The following CBLN2 variants were observed in gnomAD, a reference collection of about 807,000 sequenced individuals.
CBLN2 encodes the protein cerebellin 2 precursor, also known as cerebellin-2.
In CBLN2, 7 loss-of-function variants were observed where a neutral mutation model predicts 15.0. The ratio of observed to expected loss-of-function variants is 0.47; its 90% confidence interval spans 0.27 to 0.88. The LOEUF (loss-of-function observed/expected upper bound fraction) is 0.88. CBLN2 is among the 40% of genes least tolerant of loss of function. CBLN2 has a pLI of 0.14. For synonymous variants in CBLN2, 149 were observed against 135.2 expected (o/e 1.10, Z -0.71); for missense variants, 242 against 304.5 (o/e 0.79, Z 1.53).
chr18:72,587,179 C>T (rs535232386), intron 1 of CBLN2, among the ~76,000 whole-genome samples: 3 of 151,850 alleles, frequency 2.0e-5, no homozygotes, highest in East Asian at 1.9e-4. Context: ...TTCCTGAAAT[C>T]GGTTTGGCAT....
chr18:72,567,210 C>A (rs964158520), intron 1 of CBLN2, among the ~76,000 whole-genome samples: 3 of 152,106 alleles, frequency 2.0e-5, no homozygotes, highest in African/African-American at 7.2e-5. Context: ...AAACATCATA[C>A]CGTATTCCAT....
chr18:72,563,453 C>T (rs2069274399), intron 1 of CBLN2, among the ~76,000 whole-genome samples: 1 of 152,052 alleles, frequency 6.6e-6, no homozygotes, highest in South Asian at 2.1e-4. Flanking sequence ...CCTAATTTCC[C>T]CCCACCCCAT....
intron 1 of CBLN2, among the ~76,000 whole-genome samples, chr18:72,559,658 C>T (rs193219995): frequency 2.0e-4 from 30 of 152,268 alleles, no homozygotes; most frequent in Admixed American, 1.0e-3. Context: ...CATTGCCAGC[C>T]GGTGGCCGGC....
chr18:72,542,062 C>T lies in CBLN2; in HGVS notation c.99G>A (p.Gly33=), dbSNP rs1405276721. The T allele has an allele frequency of 6.4e-6, 10 of 1,566,062 alleles. No individual in the cohort carries two copies. The highest frequency in any genetic ancestry group is 2.2e-4 in the Middle Eastern group (1 of 4,460). ...GCAGCAACAGCAGGGCCAGCGCCACCCCCAGGCAGGATCCGCAGCCGCCCG... is the reference window on the plus strand; with the variant it reads ...GCAGCAACAGCAGGGCCAGCGCCACTCCCAGGCAGGATCCGCAGCCGCCCG... ...REPGGCGSCL[G]VALALLLLLL... Residue 33 remains glycine (G), a synonymous_variant, in exon 3 of 5, where the codon GGG becomes GGA. Coordinates refer to ENST00000269503, the MANE Select transcript of CBLN2 (RefSeq NM_182511.4).
At chr18:72,560,104 T>C (rs934217109) in intron 1 of CBLN2, among the ~76,000 whole-genome samples, 1 of 152,222 alleles carries the variant, frequency 6.6e-6, no homozygotes, top group Non-Finnish European at 1.5e-5. Context: ...GTTTACTTGC[T>C]GCTCACTGAC....
chr18:72,549,908 G>GAA (rs59009177), intron 1 of CBLN2, among the ~76,000 whole-genome samples: 5 of 152,096 alleles, frequency 3.3e-5, no homozygotes, highest in African/African-American at 1.2e-4. Context: ...GTGTTTTTGT[G>GAA]AAAAAAATGA....
At chr18:72,566,795 C>T (rs1339165990) in intron 1 of CBLN2, among the ~76,000 whole-genome samples, 1 of 152,012 alleles carries the variant, frequency 6.6e-6, no homozygotes, top group African/African-American at 2.4e-5. Context: ...GGAATTTGAA[C>T]ATTTGCACCA....
chr18:72,606,890 T>C (rs899791141), intron 1 of CBLN2, among the ~76,000 whole-genome samples: 4 of 152,194 alleles, frequency 2.6e-5, no homozygotes, highest in Non-Finnish European at 5.9e-5. Flanking sequence ...AGGCCATGGA[T>C]TGCGCTCTTT....
At chr18:72,585,411 G>T (rs2069435833) in intron 1 of CBLN2, among the ~76,000 whole-genome samples, 1 of 152,130 alleles carries the variant, frequency 6.6e-6, no homozygotes, top group Non-Finnish European at 1.5e-5. Flanking sequence ...TTTGAAGTGG[G>T]TAGCTCGTTT....
In CBLN2 at chr18:72,538,085, AG is replaced by A; in HGVS notation, c.*90del. On this transcript the variant is annotated 3_prime_UTR_variant, in exon 5 of 5. Transcript: ENST00000269503. ...AACAGTCTGACGGAGGTTGGAAACA[AG>A]GTGTCCAATTCCAGTAAGTTCAGGG... 8.0e-7 allele frequency: 1 copy of A among 1,247,422 alleles called. No individual in the cohort carries two copies. Among genetic ancestry groups the A allele is most frequent in the Non-Finnish European group, 1.2e-6 (1 of 857,448 alleles). The allele number at this position is 1,247,422 out of a possible 1,614,324, so 77.3% of individuals were successfully genotyped here.
intron 1 of CBLN2, among the ~76,000 whole-genome samples, chr18:72,597,008 C>T (rs2069517931): frequency 6.6e-6 from 1 of 151,980 alleles, no homozygotes; most frequent in Admixed American, 6.6e-5. Flanking sequence ...AATTTTCTAC[C>T]CCTATCTTTC....
At chr18:72,561,246 A>AG (rs1245280878) in intron 1 of CBLN2, among the ~76,000 whole-genome samples, 1 of 147,670 alleles carries the variant, frequency 6.8e-6, no homozygotes, top group Non-Finnish European at 1.5e-5. Context: ...AACAACCCAA[A>AG]AAAAAAAAAA....
At chr18:72,632,250 G>A (rs1177263729) in intron 1 of CBLN2, among the ~76,000 whole-genome samples, 2 of 151,994 alleles carry the variant, frequency 1.3e-5, no homozygotes, top group Admixed American at 6.6e-5. Context: ...AAATTATAAA[G>A]GAGAGATTCA....
chr18:72,557,015 A>G (rs2144888437), intron 1 of CBLN2, among the ~76,000 whole-genome samples: 1 of 151,902 alleles, frequency 6.6e-6, no homozygotes, highest in Non-Finnish European at 1.5e-5. Flanking sequence ...AAGAAGAGAA[A>G]TATATTATTT....
At chr18:72,592,727 C>T (rs1180344912) in intron 1 of CBLN2, among the ~76,000 whole-genome samples, 3 of 152,092 alleles carry the variant, frequency 2.0e-5, no homozygotes, top group Non-Finnish European at 4.4e-5. Context: ...CCAGTTTCCC[C>T]AGCACCATTT....
In CBLN2 at chr18:72,543,083, G is replaced by A; in HGVS notation, c.-167+403C>T. ...TTCCAACGACGGAATCCCAGGCTTG[G>A]GTTATTCTCCAGCTCTGGTTTCCAG... On this transcript the variant is annotated intron_variant, in intron 2 of 4. Coordinates refer to ENST00000269503, the MANE Select transcript of CBLN2 (RefSeq NM_182511.4). This position sits in a 1 kb window ranked among gnomAD's most constrained non-coding sequence, Gnocchi z 6.8. The A allele has an allele frequency of 6.0e-6, 1 of 167,948 alleles. No individual in the cohort carries two copies. The highest frequency in any genetic ancestry group is 1.3e-5 in the Non-Finnish European group (1 of 78,576). The allele number at this position is 167,948 out of a possible 1,614,324, so 10.4% of individuals were successfully genotyped here.
intron 1 of CBLN2, among the ~76,000 whole-genome samples, chr18:72,556,593 T>C (rs1044817606): frequency 6.6e-6 from 1 of 152,178 alleles, no homozygotes; most frequent in Non-Finnish European, 1.5e-5. Flanking sequence ...AAACAGTCCT[T>C]TCCTGTCTCT....
chr18:72,620,803 T>C (rs1427536311), intron 1 of CBLN2, among the ~76,000 whole-genome samples: 1 of 152,186 alleles, frequency 6.6e-6, no homozygotes, highest in Non-Finnish European at 1.5e-5. Context: ...TTTTGATATT[T>C]TGCCTTTCCA....
At chr18:72,574,435 A>G (rs2069351792) in intron 1 of CBLN2, among the ~76,000 whole-genome samples, 1 of 152,208 alleles carries the variant, frequency 6.6e-6, no homozygotes, top group Non-Finnish European at 1.5e-5. Context: ...AGGAACAAAG[A>G]AATCGGGTGG....
Sources: gnomAD v4.1 joint callset for allele counts (sites outside exome capture counted in the v4.1 genomes callset) on GRCh38, gnomAD v4.1.1 for gene constraint, Gnocchi (gnomAD v3.1) non-coding constraint, MANE v1.5 for transcripts, NCBI Gene and HGNC (gene_info 2026-07-23, HGNC 2026-07-21) for gene names.